Variants in C7orf33 observed in about 807,000 individuals in gnomAD.
The protein encoded by C7orf33 is chromosome 7 open reading frame 33, also known as uncharacterized protein C7orf33.
Under a neutral mutation model 13.4 loss-of-function variants are expected in C7orf33, and 15 were observed. The ratio of observed to expected loss-of-function variants is 1.12; its 90% CI spans 0.75 to 1.72. The LOEUF is 1.72. Ranked by LOEUF, C7orf33 falls within the 40% of genes most tolerant of loss-of-function variation. C7orf33 has a pLI of 0.00. For missense variants in C7orf33, 187 were observed against 220.3 expected, an observed-to-expected ratio of 0.85 and a Z score of 0.96; for synonymous variants, 73 against 83.2, an observed-to-expected ratio of 0.88 and a Z score of 0.67.
At chr7:148,591,209 G>C (rs541262366) in intron 1 of C7orf33, 80 bp downstream of exon 1, 1 of 1,198,400 alleles carries the variant, frequency 8.3e-7, no homozygotes, top group African/African-American at 1.5e-5. Flanking sequence ...CTCAATCCAT[G>C]AATGTTTTTG....
chr7:148,606,508 A>G (rs1247988843), intron 1 of C7orf33, among the ~76,000 whole-genome samples: 1 of 152,230 alleles, frequency 6.6e-6, no homozygotes, highest in East Asian at 1.9e-4. Context: ...CAAACAAAAA[A>G]AAATATGCAG....
chr7:148,610,595 C>T (rs954401104), intron 1 of C7orf33, among the ~76,000 whole-genome samples: 2 of 151,994 alleles, frequency 1.3e-5, no homozygotes, highest in African/African-American at 4.8e-5. Flanking sequence ...GTATATATAT[C>T]CTATTAGTTC....
chr7:148,605,299 C>T (rs973369206), intron 1 of C7orf33, among the ~76,000 whole-genome samples: 4 of 152,168 alleles, frequency 2.6e-5, no homozygotes, highest in African/African-American at 9.7e-5. Flanking sequence ...GCAATAGTGA[C>T]CTACCCAGCT....
chr7:148,608,623 T>C (rs1173153774), intron 1 of C7orf33, among the ~76,000 whole-genome samples: 2 of 151,912 alleles, frequency 1.3e-5, no homozygotes, highest in Non-Finnish European at 2.9e-5. Context: ...GAGACCATCC[T>C]GGCCAACATG....
intron 1 of C7orf33, among the ~76,000 whole-genome samples, chr7:148,598,493 C>T (rs1291111464): frequency 6.6e-6 from 1 of 151,848 alleles, no homozygotes; most frequent in Non-Finnish European, 1.5e-5. Flanking sequence ...TGCCCTGCTT[C>T]CTTAATCATG....
intron 1 of C7orf33, among the ~76,000 whole-genome samples, chr7:148,609,820 G>T (rs562468224): frequency 6.6e-6 from 1 of 152,196 alleles, no homozygotes; most frequent in African/African-American, 2.4e-5. Context: ...AAAAAGTCAG[G>T]CCTCTGTTAC....
intron 1 of C7orf33, among the ~76,000 whole-genome samples, chr7:148,608,605 A>G (rs1428994729): frequency 1.3e-5 from 2 of 151,938 alleles, no homozygotes; most frequent in African/African-American, 2.4e-5. Flanking sequence ...ACCTGAGGTC[A>G]GGAGATCGAG....
intron 1 of C7orf33, among the ~76,000 whole-genome samples, chr7:148,599,553 A>G (rs1368829031): frequency 6.8e-6 from 1 of 146,360 alleles, no homozygotes; most frequent in Non-Finnish European, 1.5e-5. Flanking sequence ...AGCTCACTGC[A>G]ACCTCCACCT....
rs369276406 is a variant in C7orf33, at chr7:148,590,915, C to T, written c.-11C>T. On this transcript the variant is annotated 5_prime_UTR_variant, in exon 1 of 3. Coordinates refer to ENST00000307003, the MANE Select transcript of C7orf33 (RefSeq NM_145304.4). Reference sequence around the variant, plus strand: ...TGACAGCATCCAGGAAAGGTAATTACCTTTGCCAAAATGCAAGTGGAAGTT... The same window carrying T: ...TGACAGCATCCAGGAAAGGTAATTATCTTTGCCAAAATGCAAGTGGAAGTT... The T allele has an allele frequency of 4.3e-6, 7 of 1,613,690 alleles. No homozygotes were observed. Among genetic ancestry groups the T allele is most frequent in the Non-Finnish European group, 5.9e-6 (7 of 1,179,626 alleles).
intron 1 of C7orf33, among the ~76,000 whole-genome samples, chr7:148,595,188 T>G (rs913517007): frequency 3.4e-5 from 5 of 149,102 alleles, no homozygotes; most frequent in African/African-American, 1.2e-4. Context: ...ATCCTCCTGC[T>G]TCAGCCTCCT....
chr7:148,613,137 G>A (rs536471624), intron 1 of C7orf33, among the ~76,000 whole-genome samples: 1 of 152,036 alleles, frequency 6.6e-6, no homozygotes, highest in African/African-American at 2.4e-5. Context: ...GCCTCTCCCT[G>A]GAGTCTCCTC....
chr7:148,596,679 G>T (rs1033883594), intron 1 of C7orf33, among the ~76,000 whole-genome samples: 1 of 152,038 alleles, frequency 6.6e-6, no homozygotes, highest in Non-Finnish European at 1.5e-5. Context: ...CTCCCACCAG[G>T]TTCCTCCCAC....
chr7:148,596,403 G>A (rs1221175247), intron 1 of C7orf33, among the ~76,000 whole-genome samples: 2 of 152,186 alleles, frequency 1.3e-5, no homozygotes, highest in South Asian at 2.1e-4. Flanking sequence ...GTATTAGTCT[G>A]TTCTCACGCT....
At chr7:148,591,399 G>A (rs573016644) in intron 1 of C7orf33, among the ~76,000 whole-genome samples, 1 of 152,132 alleles carries the variant, frequency 6.6e-6, no homozygotes, top group Non-Finnish European at 1.5e-5. Flanking sequence ...AAATTCCAGC[G>A]TAAAAATTGT....
chr7:148,593,839 C>T (rs986354857), intron 1 of C7orf33, among the ~76,000 whole-genome samples: 3 of 152,042 alleles, frequency 2.0e-5, no homozygotes, highest in East Asian at 1.9e-4. Context: ...AATATTTGCC[C>T]GGCTAAGTGT....
intron 1 of C7orf33, among the ~76,000 whole-genome samples, chr7:148,611,849 G>A (rs1054088725): frequency 5.3e-5 from 8 of 152,228 alleles, no homozygotes; most frequent in Non-Finnish European, 8.8e-5. Context: ...CATTCATCCC[G>A]GCATCTGCAC....
chr7:148,614,493 A>G (rs1427414458), intron 2 of C7orf33, among the ~76,000 whole-genome samples, 197 bp downstream of exon 2: 4 of 152,228 alleles, frequency 2.6e-5, no homozygotes, highest in African/African-American at 9.7e-5. Flanking sequence ...GATAAAAGAA[A>G]GTGCCCCTTA....
At chr7:148,605,437 A>C (rs1796461556) in intron 1 of C7orf33, among the ~76,000 whole-genome samples, 1 of 152,212 alleles carries the variant, frequency 6.6e-6, no homozygotes, top group African/African-American at 2.4e-5. Context: ...TTTGGCAAGA[A>C]GGGGAGCAAA....
rs147689956 is a variant in C7orf33 at position 148,590,988 on chromosome 7, A to G, written c.63A>G (p.Gln21=). The change falls in exon 1 of 3, where the codon CAA becomes CAG. Residue 21 remains glutamine (Q), a synonymous_variant. Coordinates refer to ENST00000307003, the MANE Select transcript of C7orf33 (RefSeq NM_145304.4). ...EECPWRLPGP[Q]CECEALLPSG... Reference sequence around the variant, plus strand: ...GTCCCTGGAGACTTCCAGGCCCCCAATGTGAATGTGAAGCCCTCCTGCCCA... The same window carrying G: ...GTCCCTGGAGACTTCCAGGCCCCCAGTGTGAATGTGAAGCCCTCCTGCCCA... 4.1e-4 allele frequency: 665 copies of G among 1,614,130 alleles called. 6 individuals are homozygous for G. The South Asian group carries it at 5.7e-3, about 14-fold the overall frequency.
Sources: allele counts gnomAD v4.1 joint callset (sites outside exome capture counted in the v4.1 genomes callset), GRCh38; gene constraint gnomAD v4.1.1; transcripts MANE v1.5; gene names NCBI Gene and HGNC (gene_info 2026-07-23, HGNC 2026-07-21).